The following CNTNAP1 variants were observed in gnomAD, a reference collection of about 807,000 sequenced individuals.
The protein encoded by CNTNAP1 is contactin associated protein 1.
Under a neutral mutation model 161.5 loss-of-function variants are expected in CNTNAP1, and 80 were observed. That is an observed-to-expected ratio of 0.50 (90% CI 0.41 to 0.60). CNTNAP1 has a LOEUF of 0.60. Ranked by LOEUF, CNTNAP1 falls within the 20% of genes least tolerant of loss-of-function variation. CNTNAP1 has a pLI of 0.00. For missense variants in CNTNAP1, 1,464 were observed against 1,854.8 expected, an observed-to-expected ratio of 0.79 and a Z score of 3.87; for synonymous variants, 695 against 733.1, an observed-to-expected ratio of 0.95 and a Z score of 0.84.
Position 42,686,915 on chromosome 17 carries a change from G to T in CNTNAP1, c.913G>T (p.Gly305Cys), listed in dbSNP as rs2053023429. 2 of 1,608,324 alleles carry T rather than the reference G, an allele frequency of 1.2e-6. No individual in the cohort carries two copies. The highest frequency in any genetic ancestry group is 1.7e-6 in the Non-Finnish European group (2 of 1,175,710). The change falls in exon 7 of 24, where the codon GGT becomes TGT. Residue 305 changes from glycine (G) to cysteine (C), a missense_variant. Physicochemically the swap from Gly to Cys is radical, Grantham distance 159 (BLOSUM62 -3). Around this residue, in one of 3 missense-constraint regions of CNTNAP1, gnomAD observed 1,383 missense variants for 1,765.0 expected, o/e 0.78. Transcript: ENST00000264638. ...LNLDTEMFIG[G>C]LVGAARKNLA... ...ACGCCTCCCGCAGATGTTCATCGGA[G>T]GTCTGGTGGGCGCCGCGCGGAAGAA...
intron 18 of CNTNAP1, among the ~76,000 whole-genome samples, chr17:42,694,778 C>T (rs1179692636): frequency 6.6e-6 from 1 of 152,174 alleles, no homozygotes; most frequent in African/African-American, 2.4e-5. Context: ...CCTTGACATT[C>T]CCCATAGCAA....
Position 42,688,875 on chromosome 17 carries a change from G to T in CNTNAP1, c.1457-1G>T. On this transcript the variant is annotated splice_acceptor_variant, in intron 9 of 23. Coordinates refer to ENST00000264638, the MANE Select transcript of CNTNAP1 (RefSeq NM_003632.3). LOFTEE classifies it high-confidence loss of function. ...GGATCTCACAGGGGTGGTTGCTCCA[G>T]GTTGTCCCAAGCCAGCCAGTCGATG... 1.9e-6 allele frequency: 3 copies of T among 1,613,912 alleles called. No individual in the cohort carries two copies. Among genetic ancestry groups the T allele is most frequent in the Non-Finnish European group, 2.5e-6 (3 of 1,179,932 alleles).
In CNTNAP1 at chr17:42,682,651, AAAAG is replaced by A. The variant is rs974862388; in HGVS notation, c.-177_-174del. 1 of 622,878 alleles carries A rather than the reference AAAAG, an allele frequency of 1.6e-6. No individual in the cohort carries two copies. Among genetic ancestry groups the A allele is most frequent in the African/African-American group, 1.9e-5 (1 of 53,696 alleles). 38.6% of individuals were successfully genotyped at this position (622,878 alleles called of 1,614,324 possible). A position where few individuals can be genotyped will look rare whatever the true frequency, so the allele number is the denominator to read the frequency against. On this transcript the variant is annotated 5_prime_UTR_variant, in exon 1 of 24. Coordinates refer to ENST00000264638, the MANE Select transcript of CNTNAP1 (RefSeq NM_003632.3). ...CCAGGAACCAGAGAGAGAGAGAGAG[AAAAG>A]AGAGAGGAGAGACAGAGCGCTTGGG...
chr17:42,692,760 C>G, intron 17 of CNTNAP1, 40 bp downstream of exon 17: 1 of 1,541,108 alleles, frequency 6.5e-7, no homozygotes, highest in Non-Finnish European at 8.8e-7. Flanking sequence ...GCCTCCTTTA[C>G]CTCCCCATCC....
chr17:42,684,569 T>C (rs1006575023), intron 3 of CNTNAP1, among the ~76,000 whole-genome samples: 1 of 152,034 alleles, frequency 6.6e-6, no homozygotes, highest in Non-Finnish European at 1.5e-5. Context: ...CAAGGAGTGT[T>C]TACTTTCCAG....
Position 42,682,705 on chromosome 17 carries a change from G to A in CNTNAP1, c.-125G>A. The A allele has an allele frequency of 1.1e-6, 1 of 877,220 alleles. No homozygotes were observed. Among genetic ancestry groups the A allele is most frequent in the South Asian group, 1.5e-5 (1 of 68,410 alleles). The allele number at this position is 877,220 out of a possible 1,614,324, so 54.3% of individuals were successfully genotyped here. On this transcript the variant is annotated 5_prime_UTR_variant, in exon 1 of 24. Transcript: ENST00000264638. ...GGGCGAAAGGAGAGAGGGAGGGAAG[G>A]GTGGGTAAGGAGGAGAGAGCGGTCT... is the stretch of plus-strand genomic sequence containing the variant.
Position 42,698,953 on chromosome 17 carries a change from C to T in CNTNAP1, c.*43C>T, listed in dbSNP as rs779795309. ...GACCAATTCCAGCTCCTGACATTCC[C>T]CCAGTCCTGCCTCTCCCCCATCCTA... is the stretch of plus-strand genomic sequence containing the variant. On this transcript the variant is annotated 3_prime_UTR_variant, in exon 24 of 24. Coordinates refer to ENST00000264638, the MANE Select transcript of CNTNAP1 (RefSeq NM_003632.3). 1 of 1,471,524 alleles carries T rather than the reference C, an allele frequency of 6.8e-7. No homozygotes were observed. Among genetic ancestry groups the T allele is most frequent in the African/African-American group, 1.4e-5 (1 of 70,898 alleles). The allele number at this position is 1,471,524 out of a possible 1,614,324, so 91.2% of individuals were successfully genotyped here. A position where few individuals can be genotyped will look rare whatever the true frequency, so the allele number is the denominator to read the frequency against.
chr17:42,684,753 G>A (rs2143646753), intron 3 of CNTNAP1, among the ~76,000 whole-genome samples: 1 of 151,914 alleles, frequency 6.6e-6, no homozygotes, highest in African/African-American at 2.4e-5. Context: ...GTGAAACCCC[G>A]TCTCTATGAA....
At chr17:42,686,466 CCT>C in intron 6 of CNTNAP1, among the ~76,000 whole-genome samples, 2 of 73,968 alleles carry the variant, frequency 2.7e-5, no homozygotes, top group African/African-American at 1.2e-4. Context: ...CAGAAAAAGG[CCT>C]GTTTTTTTTT....
At position 42,685,382 on chromosome 17, in the gene CNTNAP1, A is replaced by C. The variant is rs760650248; in HGVS notation, c.677A>C (p.Glu226Ala). Reference protein sequence around the residue: ...EGAQGDYVTLELEGAHLLLHM... With the variant: ...EGAQGDYVTLALEGAHLLLHM... The stretch of plus-strand genomic sequence containing the variant: ...GCCCAGGGCGACTACGTGACGCTCG[A>C]GCTGGAGGGGGCACACCTGCTGCTG... The change falls in exon 5 of 24, where the codon GAG (glutamate) becomes GCG (alanine). Residue 226 changes from glutamate to alanine, a missense_variant. By Grantham distance (107) the Glu-to-Ala change is moderately radical. Transcript: ENST00000264638. This position sits in a 1 kb window ranked among gnomAD's most constrained non-coding sequence, Gnocchi z 5.0. 22 of 1,605,616 alleles carry C rather than the reference A, an allele frequency of 1.4e-5. No individual in the cohort carries two copies. In the East Asian group the frequency reaches 4.7e-4, roughly 34 times the overall value.
Position 42,690,744 on chromosome 17 carries a change from C to G in CNTNAP1, c.1861C>G (p.Arg621Gly). The change falls in exon 13 of 24, where the codon CGA (arginine) becomes GGA (glycine). Residue 621 changes from arginine to glycine, a missense_variant. Around this residue, in one of 3 missense-constraint regions of CNTNAP1, gnomAD observed 1,383 missense variants for 1,765.0 expected, o/e 0.78. Transcript: ENST00000264638. ...TGTCCCCTCTTGTCTGCCAGAGAAC[C>G]GAGCGTGGACAGTTGTGCGGCATGA... ...FVVYCDIREN[R>G]AWTVVRHDRL... 1 of 1,613,548 alleles carries G rather than the reference C, an allele frequency of 6.2e-7. No individual in the cohort carries two copies. The highest frequency in any genetic ancestry group is 8.5e-7 in the Non-Finnish European group (1 of 1,179,626).
chr17:42,692,028 T>G, intron 16 of CNTNAP1, 37 bp downstream of exon 16: 1 of 1,599,576 alleles, frequency 6.3e-7, no homozygotes, highest in East Asian at 2.2e-5. Flanking sequence ...TCGGGGTAGA[T>G]GAAAGTGCTG....
At position 42,693,535 on chromosome 17, in the gene CNTNAP1, C is replaced by T. The variant is rs761083082; in HGVS notation, c.2991C>T (p.His997=). 2.2e-5 allele frequency: 36 copies of T among 1,611,968 alleles called. No homozygotes were observed. Among genetic ancestry groups the T allele is most frequent in the Middle Eastern group, 1.6e-4 (1 of 6,074 alleles). Residue 997 remains histidine (H), a splice_region_variant and synonymous_variant, in exon 18 of 24, where the codon CAC becomes CAT. Transcript: ENST00000264638. ...CTTTTGATGGGCCATACTGCAACCACGGTAAGTGCTGCTGGTTATGGGGCA... is the reference window on the plus strand; with the variant it reads ...CTTTTGATGGGCCATACTGCAACCATGGTAAGTGCTGCTGGTTATGGGGCA... ...LTAFDGPYCN[H]DIGGFFEPGT... is the part of the protein sequence containing the mutation.
At chr17:42,689,120 C>T in intron 10 of CNTNAP1, 73 bp downstream of exon 10, 1 of 1,422,216 alleles carries the variant, frequency 7.0e-7, no homozygotes, top group South Asian at 1.4e-5. Context: ...GGAATGGCCT[C>T]TTTCAATAAT....
rs1443905150 is a variant in CNTNAP1, at chr17:42,693,345, T to G, written c.2801T>G (p.Met934Arg). ...CCCTTTGTGGGTTGCTTGAGGGCCA[T>G]GCGTCTGAACGGAGTGACTCTGAAC... Reference protein sequence around the residue: ...RRPFVGCLRAMRLNGVTLNLE... With the variant: ...RRPFVGCLRARRLNGVTLNLE... Residue 934 changes from methionine to arginine, a missense_variant, in exon 18 of 24, where the codon ATG (methionine) becomes AGG (arginine). Coordinates refer to ENST00000264638, the MANE Select transcript of CNTNAP1 (RefSeq NM_003632.3). The G allele has an allele frequency of 6.2e-7, 1 of 1,614,066 alleles. No individual in the cohort carries two copies. Among genetic ancestry groups the G allele is most frequent in the Non-Finnish European group, 8.5e-7 (1 of 1,180,038 alleles).
At chr17:42,696,977 C>A (rs1433053233) in intron 20 of CNTNAP1, among the ~76,000 whole-genome samples, 3 of 151,742 alleles carry the variant, frequency 2.0e-5, no homozygotes. Context: ...AGTTTGAGAC[C>A]AACCTGAGCA....
intron 20 of CNTNAP1, 115 bp downstream of exon 20, chr17:42,696,267 A>G: frequency 7.5e-7 from 1 of 1,341,796 alleles, no homozygotes. Context: ...TGTATAGAGG[A>G]TTTTCACGTG....
At chr17:42,683,212 A>T (rs1875805) in intron 1 of CNTNAP1, 8,670 of 508,554 alleles carry the variant, frequency 0.017, 664 homozygotes, top group African/African-American at 0.16. Context: ...GGTGACCGAT[A>T]CTAGGATTAA....
intron 23 of CNTNAP1, 89 bp from the exon 24 acceptor site, chr17:42,698,525 CAAAG>C (rs2053181171): frequency 1.8e-6 from 2 of 1,106,476 alleles, no homozygotes; most frequent in South Asian, 3.1e-5. Flanking sequence ...GGTGAAATCT[CAAAG>C]AGTGCGTGTG....
Sources: gnomAD v4.1 joint callset for allele counts (sites outside exome capture counted in the v4.1 genomes callset) on GRCh38, gnomAD v4.1.1 for gene constraint, gnomAD v4.1.1 regional missense constraint, Gnocchi (gnomAD v3.1) non-coding constraint, MANE v1.5 for transcripts, NCBI Gene and HGNC (gene_info 2026-07-23, HGNC 2026-07-21) for gene names.